TCF12: variants seen among roughly 807,000 people sequenced by gnomAD.
TCF12 encodes DNA-binding protein HTF4.
TCF12 carries 45 observed loss-of-function variants against 86.0 expected under a neutral mutation model. That is an observed-to-expected ratio of 0.52 (90% CI 0.41 to 0.67). The LOEUF is 0.67. Among genes scored for constraint, TCF12 ranks in the 30% least tolerant of loss-of-function variants. The probability of loss-of-function intolerance (pLI) is 0.00; values close to 1 mark genes in which losing one functional copy is unlikely to be tolerated. For synonymous variants in TCF12, 330 were observed against 299.6 expected, an observed-to-expected ratio of 1.10 and a Z score of -1.05; for missense variants, 881 against 859.9, an observed-to-expected ratio of 1.02 and a Z score of -0.31.
intron 3 of TCF12, among the ~76,000 whole-genome samples, chr15:57,041,910 A>G (rs2066917011): frequency 1.3e-5 from 2 of 152,196 alleles, no homozygotes; most frequent in Admixed American, 1.3e-4. Flanking sequence ...GTCATTTTGG[A>G]TGACAGAAGA....
intron 6 of TCF12, among the ~76,000 whole-genome samples, chr15:57,189,439 A>G (rs1406227242): frequency 6.6e-6 from 1 of 152,198 alleles, no homozygotes; most frequent in Non-Finnish European, 1.5e-5. Context: ...TTGACTAGAC[A>G]TTCTTCCCAA....
chr15:57,005,935 C>T (rs1433149731), intron 3 of TCF12, among the ~76,000 whole-genome samples: 1 of 152,138 alleles, frequency 6.6e-6, no homozygotes, highest in East Asian at 1.9e-4. Flanking sequence ...AAGTCCGCTG[C>T]CCTTCAGTGG....
At chr15:57,192,065 C>A in intron 6 of TCF12, 93 bp from the exon 7 acceptor site, 1 of 1,446,980 alleles carries the variant, frequency 6.9e-7, no homozygotes, top group South Asian at 1.3e-5. Context: ...TAAGACATTG[C>A]TGAAGTTGTA....
chr15:57,212,846 C>A (rs1213772105), intron 8 of TCF12, among the ~76,000 whole-genome samples: 1 of 152,166 alleles, frequency 6.6e-6, no homozygotes, highest in African/African-American at 2.4e-5. Context: ...GAGCTGAAAC[C>A]TGGATCCCTG....
intron 8 of TCF12, among the ~76,000 whole-genome samples, chr15:57,226,035 A>G (rs1443214553): frequency 7.5e-6 from 1 of 133,140 alleles, no homozygotes; most frequent in Non-Finnish European, 1.5e-5. Context: ...ATCAATTTAA[A>G]TTAAATTAAT....
chr15:57,155,404 A>G (rs555298966), intron 5 of TCF12, among the ~76,000 whole-genome samples: 2 of 152,292 alleles, frequency 1.3e-5, no homozygotes, highest in South Asian at 2.1e-4. Context: ...CCTATTTTCA[A>G]ACTCAAACAT....
At chr15:57,216,767 C>T (rs535433112) in intron 8 of TCF12, among the ~76,000 whole-genome samples, 9 of 151,952 alleles carry the variant, frequency 5.9e-5, no homozygotes, top group Non-Finnish European at 1.2e-4. Context: ...TTTATAATGG[C>T]AATCAAGCAA....
intron 16 of TCF12, among the ~76,000 whole-genome samples, chr15:57,260,709 G>A (rs946533342): frequency 2.6e-5 from 4 of 152,002 alleles, no homozygotes; most frequent in African/African-American, 7.2e-5. Context: ...ATTTGCAGCC[G>A]TATATTATGT....
intron 4 of TCF12, among the ~76,000 whole-genome samples, chr15:57,075,792 T>TCTCTCTC (rs1567370227): frequency 8.5e-5 from 3 of 35,152 alleles, no homozygotes; most frequent in African/African-American, 3.1e-4. Flanking sequence ...CTTTCTTTCT[T>TCTCTCTC]TCTTTCTTTC....
chr15:57,275,164 TTGAC>T (rs1486716561), intron 19 of TCF12, among the ~76,000 whole-genome samples: 3 of 152,200 alleles, frequency 2.0e-5, no homozygotes, highest in Non-Finnish European at 4.4e-5. Context: ...TAAGGACTCT[TTGAC>T]TGATGAGAGT....
At chr15:57,040,708 C>CA (rs1235601286) in intron 3 of TCF12, among the ~76,000 whole-genome samples, 8 of 152,006 alleles carry the variant, frequency 5.3e-5, no homozygotes, top group Non-Finnish European at 8.8e-5. Context: ...GATGTAAACA[C>CA]AAAAAACAGT....
At chr15:57,205,259 C>T (rs1480175091) in intron 8 of TCF12, among the ~76,000 whole-genome samples, 3 of 152,112 alleles carry the variant, frequency 2.0e-5, no homozygotes, top group East Asian at 3.9e-4. Flanking sequence ...GCCAGGATCA[C>T]GCCACTGCAC....
chr15:57,054,200 C>T (rs1049199312), intron 3 of TCF12, among the ~76,000 whole-genome samples: 2 of 152,056 alleles, frequency 1.3e-5, no homozygotes, highest in Admixed American at 6.6e-5. Context: ...GTACATGGGC[C>T]TCATTACAGG....
In TCF12 at chr15:57,186,952, G is replaced by A. The variant is rs146686462; in HGVS notation, c.391-5206G>A. ...TTCCAACACTTTAGGAGGCCAAAGC[G>A]GGCAGATCACTTGAGGCCAGGAGTT... is the stretch of plus-strand genomic sequence containing the variant. On this transcript the variant is annotated intron_variant, in intron 6 of 20. Transcript: ENST00000333725. Among the ~76,000 whole-genome samples, 135 of 152,224 alleles carry A rather than the reference G, an allele frequency of 8.9e-4. 1 individual carries two copies. The highest frequency in any genetic ancestry group is 1.6e-3 in the African/African-American group (65 of 41,540).
chr15:57,163,264 A>G (rs531625881), intron 5 of TCF12, among the ~76,000 whole-genome samples: 7 of 152,350 alleles, frequency 4.6e-5, no homozygotes, highest in Admixed American at 1.3e-4. Flanking sequence ...GATATGATAC[A>G]TAATTATTTT....
At chr15:57,093,200 C>T (rs1211776889) in intron 5 of TCF12, among the ~76,000 whole-genome samples, 2 of 152,118 alleles carry the variant, frequency 1.3e-5, no homozygotes, top group Non-Finnish European at 2.9e-5. Context: ...GTTAGGTTTA[C>T]AATAAATTAT....
At chr15:57,198,606 A>G (rs1372994671) in intron 8 of TCF12, among the ~76,000 whole-genome samples, 1 of 152,166 alleles carries the variant, frequency 6.6e-6, no homozygotes, top group Non-Finnish European at 1.5e-5. Flanking sequence ...TCTACCTACA[A>G]TTTTTAAATC....
chr15:57,210,461 C>T (rs1206667042), intron 8 of TCF12, among the ~76,000 whole-genome samples: 1 of 151,890 alleles, frequency 6.6e-6, no homozygotes, highest in Non-Finnish European at 1.5e-5. Context: ...CATCAGAAAA[C>T]TAAAAGTCTT....
intron 3 of TCF12, among the ~76,000 whole-genome samples, chr15:57,053,229 C>A (rs551381759): frequency 1.3e-5 from 2 of 152,166 alleles, no homozygotes; most frequent in African/African-American, 4.8e-5. Flanking sequence ...TGATGCCGAG[C>A]AGCTTTTCAT....
Sources: gnomAD v4.1 joint callset for allele counts (sites outside exome capture counted in the v4.1 genomes callset) on GRCh38, gnomAD v4.1.1 for gene constraint, MANE v1.5 for transcripts, NCBI Gene and HGNC (gene_info 2026-07-23, HGNC 2026-07-21) for gene names.